EXD3: variants seen among roughly 807,000 people sequenced by gnomAD.
EXD3 encodes the protein exonuclease mut-7 homolog.
A neutral mutation model predicts 98.0 loss-of-function variants in EXD3; 92 were observed. The ratio of observed to expected loss-of-function variants is 0.94; its 90% CI spans 0.79 to 1.12. EXD3 has a LOEUF of 1.12. EXD3 is among the 50% of genes most tolerant of loss of function. The probability of loss-of-function intolerance (pLI) is 0.00; values close to 1 mark genes in which losing one functional copy is unlikely to be tolerated. For synonymous variants in EXD3, 569 were observed against 526.0 expected (o/e 1.08, Z -1.12); for missense variants, 1,222 against 1,191.6 (o/e 1.03, Z -0.38).
chr9:137,331,963 T>G (rs911647197), intron 17 of EXD3, among the ~76,000 whole-genome samples: 1 of 151,890 alleles, frequency 6.6e-6, no homozygotes, highest in Non-Finnish European at 1.5e-5. Flanking sequence ...AACTCAATCC[T>G]TTTTACAATA....
At chr9:137,383,477 G>A (rs1430641977) in intron 2 of EXD3, 100 bp from the exon 3 acceptor site, 2 of 890,330 alleles carry the variant, frequency 2.2e-6, no homozygotes, top group Non-Finnish European at 3.4e-6. Flanking sequence ...AATGCCTGGG[G>A]CTCCTCTGGA....
At chr9:137,322,678 G>A (rs1368649828) in intron 19 of EXD3, among the ~76,000 whole-genome samples, 3 of 118,864 alleles carry the variant, frequency 2.5e-5, no homozygotes, top group Non-Finnish European at 5.2e-5. Flanking sequence ...ATTTTCTGCC[G>A]ACACCCCACC....
chr9:137,328,908 A>G (rs868087132), intron 17 of EXD3, among the ~76,000 whole-genome samples: 6 of 1,642 alleles, frequency 3.7e-3, no homozygotes, highest in African/African-American at 6.5e-3. Context: ...GGGACTACAC[A>G]GGGTCACACG....
intron 1 of EXD3, among the ~76,000 whole-genome samples, chr9:137,409,918 C>T (rs546250494): frequency 2.1e-4 from 32 of 151,788 alleles, no homozygotes; most frequent in Non-Finnish European, 3.4e-4. Flanking sequence ...GGCTCACGCC[C>T]GTAATCCCAG....
chr9:137,336,956 CA>C (rs1257716924), intron 17 of EXD3, among the ~76,000 whole-genome samples: 1 of 151,840 alleles, frequency 6.6e-6, no homozygotes, highest in Non-Finnish European at 1.5e-5. Context: ...AGTTAAAAGG[CA>C]AAGACTGTCA....
intron 17 of EXD3, among the ~76,000 whole-genome samples, chr9:137,331,643 C>T (rs527926967): frequency 4.5e-4 from 68 of 152,270 alleles, no homozygotes; most frequent in African/African-American, 1.6e-3. Flanking sequence ...AGGCCAGGCG[C>T]GGTGGCTCAC....
In EXD3 at chr9:137,395,358, C is replaced by A. The variant is rs1178171825; in HGVS notation, c.-1G>T. 1 of 1,613,360 alleles carries A rather than the reference C, an allele frequency of 6.2e-7. No homozygotes were observed. The highest frequency in any genetic ancestry group is 8.5e-7 in the Non-Finnish European group (1 of 1,179,808). ...CACCAGCGGGATCTCCTGGGTCCATCCTCAGGGCCGGGCCGAGGACGCTGG... is the reference window on the plus strand; with the variant it reads ...CACCAGCGGGATCTCCTGGGTCCATACTCAGGGCCGGGCCGAGGACGCTGG... On this transcript the variant is annotated 5_prime_UTR_variant, in exon 2 of 22. Coordinates refer to ENST00000340951, the MANE Select transcript of EXD3 (RefSeq NM_017820.5). This position sits in a 1 kb window ranked among gnomAD's most constrained non-coding sequence, Gnocchi z 6.5.
At chr9:137,338,307 C>G (rs1192294444) in intron 17 of EXD3, among the ~76,000 whole-genome samples, 1 of 152,116 alleles carries the variant, frequency 6.6e-6, no homozygotes, top group East Asian at 1.9e-4. Flanking sequence ...AATAAGCAAT[C>G]ATAATTGATA....
chr9:137,320,532 G>C (rs1379557044), intron 19 of EXD3, among the ~76,000 whole-genome samples: 2 of 152,216 alleles, frequency 1.3e-5, no homozygotes, highest in African/African-American at 4.8e-5. Flanking sequence ...GGGTTGCAGG[G>C]TGTGGGTGGC....
rs904629748 is a variant in EXD3, at chr9:137,306,958, G to C, written c.2623C>G (p.Pro875Ala). ...TTATTGTCTGGCTGTCCTCAGAAGG[G>C]ACTGCTGGCCGGGCTGGGGGCTGGG... ...PSPAPSPASSPF is the reference protein window; with the variant it reads ...PSPAPSPASSAF The change falls in exon 22 of 22, where the codon CCC (proline) becomes GCC (alanine). Residue 875 changes from proline to alanine, a missense_variant. Pro to Ala is a conservative substitution (Grantham distance 27). Coordinates refer to ENST00000340951, the MANE Select transcript of EXD3 (RefSeq NM_017820.5). The C allele has an allele frequency of 3.6e-5, 57 of 1,578,210 alleles. No homozygotes were observed. Among genetic ancestry groups the C allele is most frequent in the Non-Finnish European group, 4.9e-5 (57 of 1,160,460 alleles).
chr9:137,373,400 G>A (rs780120626), intron 4 of EXD3, 26 bp downstream of exon 4: 12 of 1,599,808 alleles, frequency 7.5e-6, no homozygotes, highest in Non-Finnish European at 1.0e-5. Flanking sequence ...GAAGGGAGGT[G>A]ACTGTCACAG....
intron 6 of EXD3, chr9:137,367,640 G>A (rs1022329736): frequency 2.7e-6 from 1 of 366,722 alleles, no homozygotes; most frequent in South Asian, 3.2e-5. Context: ...TGTCCTCGAG[G>A]CAGCTGGTGC....
intron 8 of EXD3, among the ~76,000 whole-genome samples, chr9:137,355,867 G>T (rs948812042): frequency 5.9e-5 from 9 of 152,184 alleles, no homozygotes; most frequent in Non-Finnish European, 7.4e-5. Context: ...GGTCCTGGGA[G>T]CAAAGGGGAC....
At chr9:137,313,563 G>A (rs890667456) in intron 19 of EXD3, among the ~76,000 whole-genome samples, 1 of 152,330 alleles carries the variant, frequency 6.6e-6, no homozygotes, top group South Asian at 2.1e-4. Context: ...TCTGAGCAAA[G>A]AGCAAGCTTG....
At chr9:137,375,632 G>A (rs1049901376) in intron 3 of EXD3, among the ~76,000 whole-genome samples, 1 of 152,110 alleles carries the variant, frequency 6.6e-6, no homozygotes, top group Non-Finnish European at 1.5e-5. Flanking sequence ...TAGCCCTAGT[G>A]AGTTCTAGCT....
intron 17 of EXD3, among the ~76,000 whole-genome samples, chr9:137,339,353 G>A (rs1255776557): frequency 1.3e-5 from 2 of 152,086 alleles, no homozygotes; most frequent in East Asian, 3.9e-4. Flanking sequence ...AAAGATGGAT[G>A]CAAACTTCCT....
At chr9:137,325,258 G>A (rs945642726) in intron 17 of EXD3, among the ~76,000 whole-genome samples, 9 of 152,254 alleles carry the variant, frequency 5.9e-5, no homozygotes, top group African/African-American at 7.2e-5. Flanking sequence ...CAACGAGGCC[G>A]GAGCGTCTAG....
At chr9:137,322,450 A>C (rs1164827847) in intron 19 of EXD3, among the ~76,000 whole-genome samples, 40 of 81,328 alleles carry the variant, frequency 4.9e-4, no homozygotes, top group African/African-American at 6.8e-4. Flanking sequence ...CCCCGGACCC[A>C]CGAGGGATGC....
intron 7 of EXD3, among the ~76,000 whole-genome samples, chr9:137,358,390 G>A (rs560752582): frequency 2.6e-5 from 4 of 152,282 alleles, no homozygotes; most frequent in South Asian, 2.1e-4. Context: ...AGAACACCGT[G>A]CCGCTCACAA....
Sources: gnomAD v4.1 joint callset for allele counts (sites outside exome capture counted in the v4.1 genomes callset) on GRCh38, gnomAD v4.1.1 for gene constraint, Gnocchi (gnomAD v3.1) non-coding constraint, MANE v1.5 for transcripts, NCBI Gene and HGNC (gene_info 2026-07-23, HGNC 2026-07-21) for gene names.